Variants in SAMM50 observed in about 807,000 individuals in gnomAD.
SAMM50 encodes SAMM50 sorting and assembly machinery component.
Under a neutral mutation model 66.9 loss-of-function variants are expected in SAMM50, and 47 were observed. The ratio of observed to expected loss-of-function variants is 0.70; its 90% CI spans 0.56 to 0.90. The LOEUF (loss-of-function observed/expected upper bound fraction) is 0.90, where lower values mean the gene tolerates loss of function less well. Among genes scored for constraint, SAMM50 ranks in the 40% least tolerant of loss-of-function variants. SAMM50 has a pLI of 0.00. For missense variants in SAMM50, 535 were observed against 595.3 expected, an observed-to-expected ratio of 0.90 and a Z score of 1.05; for synonymous variants, 191 against 214.1, an observed-to-expected ratio of 0.89 and a Z score of 0.94.
intron 12 of SAMM50, among the ~76,000 whole-genome samples, chr22:43,984,875 C>T (rs536618654): frequency 2.0e-5 from 3 of 151,238 alleles, no homozygotes; most frequent in South Asian, 2.1e-4. Context: ...CGTGATCCAC[C>T]GGCCTTGGCC....
intron 1 of SAMM50, among the ~76,000 whole-genome samples, 187 bp downstream of exon 1, chr22:43,955,785 C>T (rs528911105): frequency 1.3e-4 from 20 of 152,340 alleles, no homozygotes; most frequent in African/African-American, 4.1e-4. Context: ...GACCTTCGAG[C>T]AGGAACCTGA....
chr22:43,981,301 C>A, intron 10 of SAMM50, 90 bp from the exon 11 acceptor site: 1 of 993,254 alleles, frequency 1.0e-6, no homozygotes, highest in Non-Finnish European at 1.6e-6. Context: ...ACGCCACGGG[C>A]ATTCAGTGTG....
intron 3 of SAMM50, among the ~76,000 whole-genome samples, chr22:43,967,753 G>T (rs1241393761): frequency 6.6e-6 from 1 of 152,188 alleles, no homozygotes; most frequent in Non-Finnish European, 1.5e-5. Flanking sequence ...CTGCAGGGTG[G>T]AATCTCAACT....
At position 43,982,626 on chromosome 22, in the gene SAMM50, T is replaced by C. The variant is rs138475092; in HGVS notation, c.1007+1165T>C. On this transcript the variant is annotated intron_variant, in intron 11 of 14. Coordinates refer to ENST00000350028, the MANE Select transcript of SAMM50 (RefSeq NM_015380.5). ...ATTCAAATGTGTGATTTATCGTTTC[T>C]TTTTTATTTTATTTATGTATGTTTT... 3.6e-3 allele frequency among the ~76,000 whole-genome samples: 545 copies of C among 152,316 alleles called. 3 individuals carry two copies. Among genetic ancestry groups the C allele is most frequent in the African/African-American group, 0.012 (519 of 41,568 alleles).
chr22:43,989,001 G>C (rs16991288), intron 12 of SAMM50, 110 bp from the exon 13 acceptor site: 156,318 of 1,038,106 alleles, frequency 0.15, 12,941 homozygotes, highest in South Asian at 0.26. Context: ...CTCCAGCACT[G>C]TGTGGCGTTG....
chr22:43,994,149 A>G (rs935692327), intron 14 of SAMM50, among the ~76,000 whole-genome samples: 7 of 152,164 alleles, frequency 4.6e-5, no homozygotes, highest in African/African-American at 1.7e-4. Flanking sequence ...ACAGACAGCC[A>G]GGTGCTTGCA....
intron 4 of SAMM50, 91 bp downstream of exon 4, chr22:43,968,909 A>G (rs1332460155): frequency 3.5e-6 from 3 of 856,806 alleles, no homozygotes; most frequent in Non-Finnish European, 5.9e-6. Flanking sequence ...TGGGCAGCAG[A>G]GCACTGCTCC....
At chr22:43,977,983 C>G (rs1243424878) in intron 10 of SAMM50, 25 bp downstream of exon 10, 1 of 1,458,120 alleles carries the variant, frequency 6.9e-7, no homozygotes, top group Admixed American at 1.7e-5. Flanking sequence ...GATGCTGGCA[C>G]CTGCACTGTC....
chr22:43,959,369 G>T (rs1226088312), intron 1 of SAMM50, among the ~76,000 whole-genome samples: 1 of 152,042 alleles, frequency 6.6e-6, no homozygotes, highest in Admixed American at 6.6e-5. Flanking sequence ...TAAAGATGCT[G>T]TTCATAACTC....
intron 4 of SAMM50, among the ~76,000 whole-genome samples, chr22:43,969,846 G>A (rs1376762481): frequency 6.6e-6 from 1 of 152,162 alleles, no homozygotes; most frequent in Non-Finnish European, 1.5e-5. Flanking sequence ...AAGAAAAGCC[G>A]TCAGGAGCCC....
chr22:43,957,271 G>A (rs978889471), intron 1 of SAMM50: 8 of 657,246 alleles, frequency 1.2e-5, no homozygotes, highest in Non-Finnish European at 2.2e-5. Context: ...CATGATTCGT[G>A]CCAAATTCTG....
rs2050277206 is a variant in SAMM50 at position 43,983,910 on chromosome 22, A to G, written c.1008-23A>G. ...TTTCTCACCTCCTGACTTTCCTCTG[A>G]CCTGTGTGCTGTTTTGTCCTAGGTT... On this transcript the variant is annotated intron_variant, in intron 11 of 14. Coordinates refer to ENST00000350028, the MANE Select transcript of SAMM50 (RefSeq NM_015380.5). This position sits in a 1 kb window ranked among gnomAD's most constrained non-coding sequence, Gnocchi z 4.2. 3.2e-6 allele frequency: 5 copies of G among 1,578,798 alleles called. No homozygotes were observed. The East Asian group carries it at 1.1e-4, about 36-fold the overall frequency.
intron 1 of SAMM50, among the ~76,000 whole-genome samples, chr22:43,962,168 A>G (rs968278558): frequency 6.6e-6 from 1 of 152,252 alleles, no homozygotes; most frequent in Non-Finnish European, 1.5e-5. Context: ...CGACACTTAC[A>G]TTAGCCTACA....
chr22:43,988,344 A>C (rs1385584348), intron 12 of SAMM50: 5 of 152,226 alleles, frequency 3.3e-5, no homozygotes, highest in Admixed American at 2.6e-4. Flanking sequence ...TCTTGAAGAC[A>C]TCAGTATTTT....
chr22:43,968,474 CTTG>C (rs546522356), intron 3 of SAMM50, among the ~76,000 whole-genome samples: 52 of 152,274 alleles, frequency 3.4e-4, no homozygotes, highest in Non-Finnish European at 3.2e-4. Context: ...CTGCGTTAGT[CTTG>C]TTGTTTATAC....
At chr22:43,989,336 T>C in intron 13 of SAMM50, 79 bp downstream of exon 13, 1 of 1,333,914 alleles carries the variant, frequency 7.5e-7, no homozygotes, top group Non-Finnish European at 1.0e-6. Flanking sequence ...AAGAGGTGTC[T>C]GTCTTTTTTT....
At chr22:43,972,410 A>C (rs1226826821) in intron 5 of SAMM50, 68 bp downstream of exon 5, 5 of 852,860 alleles carry the variant, frequency 5.9e-6, no homozygotes, top group African/African-American at 1.8e-5. Context: ...CTATGACTGC[A>C]TTCTAAAAGC....
chr22:43,971,029 G>C (rs934522598), intron 4 of SAMM50, among the ~76,000 whole-genome samples: 2 of 152,066 alleles, frequency 1.3e-5, no homozygotes, highest in Non-Finnish European at 1.5e-5. Flanking sequence ...TTGGCAGAGT[G>C]TGGCGGCGGG....
Position 43,957,548 on chromosome 22 carries a change from A to T in SAMM50, c.21+1950A>T, listed in dbSNP as rs574601365. Among the ~76,000 whole-genome samples the T allele has an allele frequency of 5.9e-5, 9 of 151,542 alleles. No homozygotes were observed. In the East Asian group the frequency reaches 1.8e-3, roughly 30 times the overall value. On this transcript the variant is annotated intron_variant, in intron 1 of 14. Transcript: ENST00000350028. ...AGCGATTCTCCTGCCTCAGCCTCCCATGTAGCTGGGATTATAGGCGCACGC... is the reference window on the plus strand; with the variant it reads ...AGCGATTCTCCTGCCTCAGCCTCCCTTGTAGCTGGGATTATAGGCGCACGC...
Sources: allele counts gnomAD v4.1 joint callset (sites outside exome capture counted in the v4.1 genomes callset), GRCh38; gene constraint gnomAD v4.1.1; non-coding constraint Gnocchi (gnomAD v3.1); transcripts MANE v1.5; gene names NCBI Gene and HGNC (gene_info 2026-07-23, HGNC 2026-07-21).